Variants in PDE4D observed in about 807,000 individuals in gnomAD.
PDE4D encodes the protein 3',5'-cyclic-AMP phosphodiesterase 4D.
A neutral mutation model predicts 87.4 loss-of-function variants in PDE4D; 24 were observed. The ratio of observed to expected loss-of-function variants is 0.27; its 90% confidence interval spans 0.20 to 0.39. PDE4D has a LOEUF of 0.39. Ranked by LOEUF, PDE4D falls within the 10% of genes least tolerant of loss-of-function variation. The probability of loss-of-function intolerance (pLI) is 1.00; values close to 1 mark genes in which losing one functional copy is unlikely to be tolerated. For missense variants in PDE4D, 714 were observed against 1,041.0 expected (o/e 0.69, Z 4.32); for synonymous variants, 384 against 383.2 (o/e 1.00, Z -0.02).
chr5:59,627,468 G>T (rs1043975707), intron 1 of PDE4D, among the ~76,000 whole-genome samples: 1 of 151,958 alleles, frequency 6.6e-6, no homozygotes, highest in African/African-American at 2.4e-5. Flanking sequence ...TTCTTACCTA[G>T]CACTGAATTT....
At chr5:59,045,479 G>C (rs1324941466) in intron 5 of PDE4D, among the ~76,000 whole-genome samples, 1 of 151,058 alleles carries the variant, frequency 6.6e-6, no homozygotes, top group African/African-American at 2.4e-5. Context: ...CTTGAACCTG[G>C]GAGATAGAGG....
At position 59,591,383 on chromosome 5, in the gene PDE4D, T is replaced by C. The variant is rs188593690; in HGVS notation, c.455+301785A>G. Among the ~76,000 whole-genome samples, 214 of 152,256 alleles carry C rather than the reference T, an allele frequency of 1.4e-3. 1 individual carries two copies. Among genetic ancestry groups the C allele is most frequent in the African/African-American group, 4.9e-3 (204 of 41,564 alleles). On this transcript the variant is annotated intron_variant, in intron 1 of 14. Transcript: ENST00000340635. ...CACCCTAGTTCCTGAGGTTGGGTAT[T>C]TCCTAGACTCTTTAGTCACTTGTAC... is the stretch of plus-strand genomic sequence containing the variant.
intron 2 of PDE4D, among the ~76,000 whole-genome samples, chr5:60,097,866 A>G (rs954756284): frequency 1.5e-4 from 23 of 152,022 alleles, no homozygotes; most frequent in Non-Finnish European, 2.8e-4. Flanking sequence ...AGAAGGAACT[A>G]GATATTTACC....
intron 5 of PDE4D, among the ~76,000 whole-genome samples, chr5:59,104,445 A>T (rs1036358767): frequency 6.6e-6 from 1 of 152,232 alleles, no homozygotes; most frequent in African/African-American, 2.4e-5. Context: ...TGATTATACG[A>T]ATCGCAGGCT....
At chr5:59,392,507 A>C (rs1421530523) in intron 1 of PDE4D, among the ~76,000 whole-genome samples, 4 of 139,572 alleles carry the variant, frequency 2.9e-5, no homozygotes, top group Non-Finnish European at 5.9e-5. Context: ...GTGTGTCTAT[A>C]TATATATATA....
chr5:59,109,545 G>A (rs940617351), intron 5 of PDE4D, among the ~76,000 whole-genome samples: 3 of 152,096 alleles, frequency 2.0e-5, no homozygotes, highest in Non-Finnish European at 2.9e-5. Context: ...GCAGGAGGTC[G>A]CTGAATAAGC....
At chr5:59,883,677 A>G (rs1749772143) in intron 1 of PDE4D, among the ~76,000 whole-genome samples, 1 of 152,362 alleles carries the variant, frequency 6.6e-6, no homozygotes, top group East Asian at 1.9e-4. Flanking sequence ...TAATAGCAAT[A>G]TATTTTACCA....
At chr5:59,855,198 A>G (rs1311252980) in intron 1 of PDE4D, among the ~76,000 whole-genome samples, 2 of 152,084 alleles carry the variant, frequency 1.3e-5, no homozygotes, top group Non-Finnish European at 2.9e-5. Context: ...TGACAATTAA[A>G]TAATGGAACT....
chr5:59,837,567 A>T lies in PDE4D; in HGVS notation c.455+55601T>A, dbSNP rs187940188. 4.3e-3 allele frequency among the ~76,000 whole-genome samples: 647 copies of T among 152,196 alleles called. 1 individual carries two copies. Among genetic ancestry groups the T allele is most frequent in the Non-Finnish European group, 7.1e-3 (481 of 67,970 alleles). The stretch of plus-strand genomic sequence containing the variant: ...TGACTGATGCCCAGAAACATTTTCT[A>T]AAATGATGAATGAATCTCCCTCAGC... On this transcript the variant is annotated intron_variant, in intron 1 of 14. Coordinates refer to ENST00000340635, the MANE Select transcript of PDE4D (RefSeq NM_001104631.2).
At chr5:59,018,465 A>C (rs534947328) in intron 6 of PDE4D, among the ~76,000 whole-genome samples, 3 of 152,202 alleles carry the variant, frequency 2.0e-5, no homozygotes, top group Admixed American at 2.0e-4. Context: ...AAATTCCTTA[A>C]ACTTAATTTG....
chr5:59,373,826 G>T (rs1367947283), intron 1 of PDE4D, among the ~76,000 whole-genome samples: 1 of 152,144 alleles, frequency 6.6e-6, no homozygotes, highest in African/African-American at 2.4e-5. Context: ...ACTAACTGTG[G>T]ACCTCTCAGC....
chr5:59,494,506 C>T (rs950164724), intron 1 of PDE4D, among the ~76,000 whole-genome samples: 12 of 152,190 alleles, frequency 7.9e-5, no homozygotes, highest in Admixed American at 5.2e-4. Context: ...AATTTATTTT[C>T]TGGTCTACAT....
At chr5:60,014,729 G>C (rs532187863) in intron 2 of PDE4D, among the ~76,000 whole-genome samples, 1 of 152,172 alleles carries the variant, frequency 6.6e-6, no homozygotes, top group South Asian at 2.1e-4. Context: ...AAAAGAAGCT[G>C]TGCCACCTTG....
chr5:59,750,277 C>T (rs1760246939), intron 1 of PDE4D, among the ~76,000 whole-genome samples: 1 of 151,974 alleles, frequency 6.6e-6, no homozygotes, highest in Non-Finnish European at 1.5e-5. Context: ...CTAACACAGA[C>T]ATTCCTACTA....
intron 5 of PDE4D, among the ~76,000 whole-genome samples, chr5:59,101,995 T>TA (rs1770814293): frequency 1.3e-5 from 2 of 151,534 alleles, no homozygotes; most frequent in Middle Eastern, 3.2e-3. Flanking sequence ...GCTACACACA[T>TA]ACAACATAAT....
At chr5:59,411,836 C>T (rs1293464091) in intron 1 of PDE4D, among the ~76,000 whole-genome samples, 3 of 152,220 alleles carry the variant, frequency 2.0e-5, no homozygotes, top group Non-Finnish European at 4.4e-5. Flanking sequence ...AAATTCTTAA[C>T]ACTACGCCAA....
At chr5:59,324,778 T>A (rs1469713966) in intron 1 of PDE4D, among the ~76,000 whole-genome samples, 2 of 152,134 alleles carry the variant, frequency 1.3e-5, no homozygotes. Flanking sequence ...TTAAGCCAGT[T>A]AAGTTACAAC....
intron 5 of PDE4D, among the ~76,000 whole-genome samples, chr5:59,105,974 G>A (rs1366410306): frequency 6.6e-6 from 1 of 152,208 alleles, no homozygotes; most frequent in Non-Finnish European, 1.5e-5. Context: ...TAAGTGTCCA[G>A]TTGCTCCAGA....
At chr5:59,681,269 G>A (rs1398309366) in intron 1 of PDE4D, among the ~76,000 whole-genome samples, 2 of 152,116 alleles carry the variant, frequency 1.3e-5, no homozygotes, top group African/African-American at 2.4e-5. Context: ...ACAGTATGAG[G>A]ATTAAGATAA....
Sources: gnomAD v4.1 joint callset for allele counts (sites outside exome capture counted in the v4.1 genomes callset) on GRCh38, gnomAD v4.1.1 for gene constraint, MANE v1.5 for transcripts, NCBI Gene and HGNC (gene_info 2026-07-23, HGNC 2026-07-21) for gene names.